NUMB: variants seen among roughly 807,000 people sequenced by gnomAD.
NUMB encodes the protein NUMB endocytic adaptor protein.
In NUMB, 29 loss-of-function variants were observed where a neutral mutation model predicts 59.7. The ratio of observed to expected loss-of-function variants is 0.49; its 90% CI spans 0.36 to 0.66. NUMB has a LOEUF of 0.66. Ranked by LOEUF, NUMB falls within the 30% of genes least tolerant of loss-of-function variation. The pLI is 0.00. For missense variants in NUMB, 723 were observed against 822.0 expected, an observed-to-expected ratio of 0.88 and a Z score of 1.47; for synonymous variants, 288 against 288.2, an observed-to-expected ratio of 1.00 and a Z score of 0.01.
chr14:73,327,735 A>G (rs1423294248), intron 4 of NUMB, among the ~76,000 whole-genome samples: 2 of 152,186 alleles, frequency 1.3e-5, no homozygotes, highest in East Asian at 1.9e-4. Context: ...CCTGTAGGAC[A>G]TAGATTTACT....
intron 1 of NUMB, among the ~76,000 whole-genome samples, chr14:73,423,990 ACT>A (rs1283440445): frequency 7.0e-6 from 1 of 142,268 alleles, no homozygotes; most frequent in African/African-American, 2.7e-5. Flanking sequence ...AAAAAAAAAG[ACT>A]CTTGATCTAT....
chr14:73,346,332 T>A (rs1367083687), intron 4 of NUMB, among the ~76,000 whole-genome samples: 1 of 151,746 alleles, frequency 6.6e-6, no homozygotes, highest in Non-Finnish European at 1.5e-5. Context: ...AATACAAAAT[T>A]AGCTGGGTGT....
intron 4 of NUMB, among the ~76,000 whole-genome samples, chr14:73,348,144 T>A (rs553254295): frequency 3.9e-5 from 6 of 152,298 alleles, no homozygotes; most frequent in Admixed American, 1.3e-4. Flanking sequence ...GAATGAGGCA[T>A]CTTTTGCCCT....
intron 5 of NUMB, among the ~76,000 whole-genome samples, chr14:73,320,186 A>G (rs1033463376): frequency 6.6e-6 from 1 of 152,124 alleles, no homozygotes; most frequent in Non-Finnish European, 1.5e-5. Context: ...GAAACAGGAA[A>G]TTTACTCCAG....
chr14:73,278,181 T>C (rs1156711073), intron 12 of NUMB, among the ~76,000 whole-genome samples: 4 of 152,168 alleles, frequency 2.6e-5, no homozygotes, highest in Non-Finnish European at 5.9e-5. Flanking sequence ...CTGCCTGGCT[T>C]CCAGAAATAT....
chr14:73,303,100 C>T (rs2139863188), intron 6 of NUMB, among the ~76,000 whole-genome samples: 1 of 152,030 alleles, frequency 6.6e-6, no homozygotes, highest in South Asian at 2.1e-4. Flanking sequence ...TGCCTGTAAT[C>T]CCAGCTACTT....
At chr14:73,428,256 G>A (rs905188270) in intron 1 of NUMB, among the ~76,000 whole-genome samples, 2 of 152,134 alleles carry the variant, frequency 1.3e-5, no homozygotes, top group Non-Finnish European at 2.9e-5. Context: ...CTACTACCTA[G>A]CTGTGGGACT....
At chr14:73,346,928 C>A (rs113317054) in intron 4 of NUMB, among the ~76,000 whole-genome samples, 28 of 152,278 alleles carry the variant, frequency 1.8e-4, no homozygotes, top group African/African-American at 6.3e-4. Flanking sequence ...TTGTAAAAAG[C>A]ATTTAATTAT....
intron 2 of NUMB, among the ~76,000 whole-genome samples, chr14:73,386,133 A>G (rs1895512817): frequency 6.6e-6 from 1 of 151,900 alleles, no homozygotes; most frequent in Non-Finnish European, 1.5e-5. Flanking sequence ...GGTCTCAGCT[A>G]TTGTTGAGGC....
intron 6 of NUMB, among the ~76,000 whole-genome samples, chr14:73,306,970 G>A (rs553098983): frequency 6.6e-6 from 1 of 152,324 alleles, no homozygotes; most frequent in South Asian, 2.1e-4. Flanking sequence ...AGATAAGCAA[G>A]TAAAATGTAT....
intron 2 of NUMB, among the ~76,000 whole-genome samples, chr14:73,384,889 ATT>A (rs143582593): frequency 2.5e-3 from 282 of 114,436 alleles, no homozygotes; most frequent in African/African-American, 8.5e-3. Flanking sequence ...AATAACTGTA[ATT>A]TTTTTTTTTT....
intron 4 of NUMB, among the ~76,000 whole-genome samples, chr14:73,334,880 C>T (rs567686708): frequency 2.1e-5 from 3 of 143,628 alleles, no homozygotes; most frequent in Admixed American, 1.5e-4. Flanking sequence ...ACCTGGGAGG[C>T]GGAGGTTGCA....
chr14:73,388,529 TA>T (rs1895670466), intron 2 of NUMB, among the ~76,000 whole-genome samples: 1 of 152,220 alleles, frequency 6.6e-6, no homozygotes, highest in East Asian at 1.9e-4. Flanking sequence ...CAGCTAGGCT[TA>T]TGGCTGATCT....
rs1555375287 is a variant in NUMB, at chr14:73,367,348, T to TATATAGAGAGAGAG, written c.-100-368_-100-367insCTCTCTCTCTATAT. Reference sequence around the variant, plus strand: ...ATATATACATATATATATATATATATAGAGAGAGAGAGAGAGAGAGAGAGA... The same window carrying TATATAGAGAGAGAG: ...ATATATACATATATATATATATATATATATAGAGAGAGAGAGAGAGAGAGAGAGAGAGAGAGAGA... On this transcript the variant is annotated intron_variant, in intron 2 of 12. Coordinates refer to ENST00000555238, the MANE Select transcript of NUMB (RefSeq NM_001005743.2). Among the ~76,000 whole-genome samples, 854 of 105,272 alleles carry TATATAGAGAGAGAG rather than the reference T, an allele frequency of 8.1e-3. 14 individuals carry two copies. The highest frequency in any genetic ancestry group is 0.025 in the African/African-American group (505 of 19,960). The allele number at this position is 105,272 out of a possible 152,430, so 69.1% of individuals were successfully genotyped here.
intron 2 of NUMB, among the ~76,000 whole-genome samples, chr14:73,378,670 T>C (rs1325818496): frequency 6.6e-6 from 1 of 152,220 alleles, no homozygotes; most frequent in Non-Finnish European, 1.5e-5. Context: ...ACATACTGTA[T>C]GACCCCAACT....
chr14:73,408,908 A>G (rs1458700679), intron 2 of NUMB, among the ~76,000 whole-genome samples: 1 of 151,950 alleles, frequency 6.6e-6, no homozygotes, highest in East Asian at 1.9e-4. Flanking sequence ...AAAGAAAGAA[A>G]GAAAATTCCA....
chr14:73,419,431 C>G (rs937015516), intron 1 of NUMB, among the ~76,000 whole-genome samples: 1 of 152,116 alleles, frequency 6.6e-6, no homozygotes, highest in Non-Finnish European at 1.5e-5. Context: ...ATGGCATGAA[C>G]CCGGGAGGCG....
chr14:73,326,910 T>C (rs181200814), intron 4 of NUMB, among the ~76,000 whole-genome samples: 5 of 151,570 alleles, frequency 3.3e-5, no homozygotes, highest in Admixed American at 3.3e-4. Context: ...GCTGAAAAAC[T>C]TTCCCAAAGT....
At chr14:73,365,007 A>G (rs1894270703) in intron 3 of NUMB, among the ~76,000 whole-genome samples, 1 of 152,142 alleles carries the variant, frequency 6.6e-6, no homozygotes, top group South Asian at 2.1e-4. Context: ...ACAAAGAGGA[A>G]AAATACACCA....
Sources: allele counts gnomAD v4.1 joint callset (sites outside exome capture counted in the v4.1 genomes callset), GRCh38; gene constraint gnomAD v4.1.1; transcripts MANE v1.5; gene names NCBI Gene and HGNC (gene_info 2026-07-23, HGNC 2026-07-21).